PTPRN2: variants seen among roughly 807,000 people sequenced by gnomAD.
The protein encoded by PTPRN2 is protein tyrosine phosphatase receptor type N2, also known as receptor-type tyrosine-protein phosphatase N2.
PTPRN2 carries 74 observed loss-of-function variants against 118.8 expected under a neutral mutation model. The observed-to-expected ratio is 0.62, with a 90% confidence interval of 0.52 to 0.76. The LOEUF is 0.76. Among genes scored for constraint, PTPRN2 ranks in the 30% least tolerant of loss-of-function variants. The probability of loss-of-function intolerance (pLI) is 0.00; values close to 1 mark genes in which losing one functional copy is unlikely to be tolerated. For synonymous variants in PTPRN2, 641 were observed against 608.0 expected (o/e 1.05, Z -0.80); for missense variants, 1,481 against 1,394.4 (o/e 1.06, Z -0.99).
Position 158,136,704 on chromosome 7 carries a change from G to C in PTPRN2, c.1133-9C>G. On this transcript the variant is annotated splice_polypyrimidine_tract_variant and intron_variant, in intron 7 of 22. Coordinates refer to ENST00000389418, the MANE Select transcript of PTPRN2 (RefSeq NM_002847.5). ...GTCCTGCACTCCGTCATCTGTAAAA[G>C]ACACCAGTGTTACCAAGACCCTCAT... 6.2e-7 allele frequency: 1 copy of C among 1,613,558 alleles called. No homozygotes were observed. Among genetic ancestry groups the C allele is most frequent in the Non-Finnish European group, 8.5e-7 (1 of 1,179,588 alleles).
At chr7:158,412,676 T>C (rs1814241320) in intron 2 of PTPRN2, among the ~76,000 whole-genome samples, 1 of 79,214 alleles carries the variant, frequency 1.3e-5, no homozygotes, top group Admixed American at 1.6e-4. Flanking sequence ...AGCACCCTCC[T>C]CAGCACCAGG....
chr7:157,833,832 C>T (rs533337946), intron 12 of PTPRN2, among the ~76,000 whole-genome samples: 6 of 152,334 alleles, frequency 3.9e-5, no homozygotes, highest in African/African-American at 1.4e-4. Context: ...TAACAAGCCG[C>T]TCATTTCCAT....
At chr7:158,252,529 C>T (rs1440379231) in intron 3 of PTPRN2, among the ~76,000 whole-genome samples, 7 of 152,156 alleles carry the variant, frequency 4.6e-5, no homozygotes, top group African/African-American at 1.7e-4. Context: ...CCAGCCCCAG[C>T]CCTGCACCAG....
chr7:158,373,834 G>A (rs1810287884), intron 2 of PTPRN2, among the ~76,000 whole-genome samples: 1 of 152,182 alleles, frequency 6.6e-6, no homozygotes, highest in African/African-American at 2.4e-5. Context: ...GGCAGCATCT[G>A]GGCGCCCTCT....
At chr7:158,212,037 A>G (rs943552692) in intron 3 of PTPRN2, among the ~76,000 whole-genome samples, 1 of 152,228 alleles carries the variant, frequency 6.6e-6, no homozygotes, top group African/African-American at 2.4e-5. Context: ...TTCAGCCATA[A>G]AAAGGTGAGA....
chr7:158,153,844 CG>C (rs1370621798), intron 6 of PTPRN2, among the ~76,000 whole-genome samples: 9 of 142,776 alleles, frequency 6.3e-5, no homozygotes, highest in East Asian at 4.2e-4. Context: ...GGGTGGTGGT[CG>C]GGGGGACAGA....
At chr7:158,370,618 G>C (rs752421649) in intron 2 of PTPRN2, among the ~76,000 whole-genome samples, 2 of 152,014 alleles carry the variant, frequency 1.3e-5, no homozygotes, top group Admixed American at 6.6e-5. Context: ...TGGGCGTGGT[G>C]GTGGGCACCT....
chr7:158,340,711 C>T (rs1309169270), intron 2 of PTPRN2, among the ~76,000 whole-genome samples: 2 of 74,152 alleles, frequency 2.7e-5, no homozygotes, highest in Admixed American at 1.4e-4. Context: ...GCAGACGTCA[C>T]TCACACCCAC....
intron 12 of PTPRN2, among the ~76,000 whole-genome samples, chr7:157,783,495 C>T (rs750167279): frequency 2.0e-5 from 3 of 149,742 alleles, no homozygotes; most frequent in Non-Finnish European, 4.4e-5. Flanking sequence ...CAATCCTGAA[C>T]ATTACCTTGT....
intron 11 of PTPRN2, among the ~76,000 whole-genome samples, chr7:157,902,610 G>A (rs535649394): frequency 5.4e-4 from 82 of 152,324 alleles, no homozygotes; most frequent in African/African-American, 1.9e-3. Flanking sequence ...AGAGCACGTG[G>A]GGACCAGCAT....
At chr7:157,650,681 C>T (rs1001145778) in intron 14 of PTPRN2, among the ~76,000 whole-genome samples, 1 of 152,200 alleles carries the variant, frequency 6.6e-6, no homozygotes, top group Non-Finnish European at 1.5e-5. Flanking sequence ...TCCAGAAATA[C>T]AGGGCACTGG....
chr7:158,556,270 T>A (rs1276397078), intron 1 of PTPRN2, among the ~76,000 whole-genome samples: 1 of 152,106 alleles, frequency 6.6e-6, no homozygotes, highest in African/African-American at 2.4e-5. Flanking sequence ...ACAGATTAGA[T>A]GGGCTGGGCA....
At chr7:158,370,422 C>G (rs778889219) in intron 2 of PTPRN2, among the ~76,000 whole-genome samples, 3 of 150,504 alleles carry the variant, frequency 2.0e-5, no homozygotes, top group Non-Finnish European at 4.4e-5. Context: ...GGTGACAGAG[C>G]GAGACTCCAT....
intron 12 of PTPRN2, among the ~76,000 whole-genome samples, chr7:157,758,158 G>A (rs1180814947): frequency 6.6e-6 from 1 of 152,240 alleles, no homozygotes; most frequent in Non-Finnish European, 1.5e-5. Context: ...CGGCGTGGCT[G>A]CAGTGGGCCG....
chr7:157,643,903 G>A lies in PTPRN2; in HGVS notation c.2196+12454C>T, dbSNP rs561708779. On this transcript the variant is annotated intron_variant, in intron 14 of 22. Transcript: ENST00000389418. ...GGTGACAGCCCAGGGCCCAGACACC[G>A]GCCAGCCTCATAGTGCTCGCCGCAC... is the stretch of plus-strand genomic sequence containing the variant. Among the ~76,000 whole-genome samples, 7 of 152,338 alleles carry A rather than the reference G, an allele frequency of 4.6e-5. No individual in the cohort carries two copies. The South Asian group carries it at 6.2e-4, about 14-fold the overall frequency.
intron 2 of PTPRN2, among the ~76,000 whole-genome samples, chr7:158,341,957 C>T (rs1222291741): frequency 1.9e-4 from 23 of 120,270 alleles, no homozygotes; most frequent in African/African-American, 4.9e-4. Context: ...AGCTGTCGCC[C>T]GCAGACGTCA....
intron 12 of PTPRN2, among the ~76,000 whole-genome samples, chr7:157,803,236 A>T (rs1255534997): frequency 6.6e-6 from 1 of 152,160 alleles, no homozygotes; most frequent in Non-Finnish European, 1.5e-5. Context: ...AAGTGCTGGG[A>T]TTATAGGTGT....
chr7:157,701,603 C>T (rs1714956096), intron 12 of PTPRN2, among the ~76,000 whole-genome samples: 2 of 152,218 alleles, frequency 1.3e-5, no homozygotes, highest in Admixed American at 1.3e-4. Flanking sequence ...TCAGCGCTGC[C>T]CCCAGACCCT....
At chr7:158,276,247 TGGTAGCACCCCCACACTCTGGCCCC>T (rs1798965054) in intron 3 of PTPRN2, among the ~76,000 whole-genome samples, 1 of 18,210 alleles carries the variant, frequency 5.5e-5, no homozygotes, top group Non-Finnish European at 1.7e-4. Flanking sequence ...ATCCCGGTCC[TGGTAGCACCCCCACACTCTGGCCCC>T]AACAGGCTGT....
Sources: gnomAD v4.1 joint callset for allele counts (sites outside exome capture counted in the v4.1 genomes callset) on GRCh38, gnomAD v4.1.1 for gene constraint, MANE v1.5 for transcripts, NCBI Gene and HGNC (gene_info 2026-07-23, HGNC 2026-07-21) for gene names.